Variants in NBPF11 observed in about 807,000 individuals in gnomAD.
The protein encoded by NBPF11 is NBPF family member NBPF11.
In NBPF11, 72 loss-of-function variants were observed where a neutral mutation model predicts 93.9. That is an observed-to-expected ratio of 0.77 (90% CI 0.63 to 0.93). The LOEUF (loss-of-function observed/expected upper bound fraction) is 0.93. Among genes scored for constraint, NBPF11 ranks in the 40% least tolerant of loss-of-function variants. NBPF11 has a pLI of 0.00. For missense variants in NBPF11, 705 were observed against 802.2 expected (o/e 0.88, Z 1.46); for synonymous variants, 224 against 304.9 (o/e 0.73, Z 2.76).
chr1:148,142,610 G>A lies in NBPF11; in HGVS notation c.-277+805C>T, dbSNP rs1181696434. 7.6e-4 allele frequency among the ~76,000 whole-genome samples: 116 copies of A among 152,208 alleles called. 2 individuals are homozygous for A. Among genetic ancestry groups the A allele is most frequent in the Non-Finnish European group, 1.8e-4 (12 of 68,040 alleles). ...CCCCCAGGACCTGGTGGGCAGCCAC[G>A]TGAGAAGGATACAAACAGGCCATGC... On this transcript the variant is annotated intron_variant, in intron 2 of 23. Transcript: ENST00000682118.
chr1:148,148,545 G>A (rs2149313748), intron 1 of NBPF11, among the ~76,000 whole-genome samples: 1 of 152,148 alleles, frequency 6.6e-6, no homozygotes, highest in Non-Finnish European at 1.5e-5. Context: ...CCCAAGGGAA[G>A]GTGCTGGTGG....
intron 2 of NBPF11, among the ~76,000 whole-genome samples, chr1:148,142,460 C>T (rs1221836575): frequency 6.6e-6 from 1 of 151,142 alleles, no homozygotes; most frequent in Non-Finnish European, 1.5e-5. Context: ...CAGGCCGCAA[C>T]CTTCCCTGCT....
Position 148,122,613 on chromosome 1 carries a change from T to G in NBPF11, c.566+116A>C. On this transcript the variant is annotated intron_variant, in intron 8 of 23. Coordinates refer to ENST00000682118, the MANE Select transcript of NBPF11 (RefSeq NM_001385469.3). ...TGTCTAAGCTGGGTTGAATTTCACATACTGTGGCCAAGGGAATGCGGGCTT... is the reference window on the plus strand; with the variant it reads ...TGTCTAAGCTGGGTTGAATTTCACAGACTGTGGCCAAGGGAATGCGGGCTT... 3.4e-6 allele frequency: 5 copies of G among 1,456,890 alleles called. No homozygotes were observed. The South Asian group carries it at 5.7e-5, about 17-fold the overall frequency. 90.2% of individuals were successfully genotyped at this position (1,456,890 alleles called of 1,614,324 possible).
chr1:148,122,667 G>A lies in NBPF11; in HGVS notation c.566+62C>T, dbSNP rs79237727. On this transcript the variant is annotated intron_variant, in intron 8 of 23. Coordinates refer to ENST00000682118, the MANE Select transcript of NBPF11 (RefSeq NM_001385469.3). ...GCCCATCATAGATGCCAGAGAGGGC[G>A]TGCCTCCTAGACATTTTCATATGTT... The A allele has an allele frequency of 1.1e-3, 1,754 of 1,596,146 alleles. 15 individuals carry two copies. The East Asian group carries it at 0.02, about 18-fold the overall frequency.
intron 20 of NBPF11, among the ~76,000 whole-genome samples, 182 bp downstream of exon 20, chr1:148,106,760 T>C (rs1462645725): frequency 1.3e-5 from 2 of 148,606 alleles, no homozygotes; most frequent in East Asian, 2.0e-4. Context: ...CCTTGCTCAC[T>C]GACCCATTTC....
At position 148,151,367 on chromosome 1, in the gene NBPF11, G is replaced by A. The variant is rs1473459037; in HGVS notation, c.-549+383C>T. Among the ~76,000 whole-genome samples the A allele has an allele frequency of 3.3e-5, 5 of 152,108 alleles. 1 individual carries two copies. The highest frequency in any genetic ancestry group is 3.9e-4 in the East Asian group (2 of 5,176). On this transcript the variant is annotated intron_variant, in intron 1 of 23. Transcript: ENST00000682118. Reference sequence around the variant, plus strand: ...AAGACCCCAACTTTGCAAGTCAGGGGCGCGAGCGCTCTTGCCCCTCAAGTT... The same window carrying A: ...AAGACCCCAACTTTGCAAGTCAGGGACGCGAGCGCTCTTGCCCCTCAAGTT...
At position 148,112,137 on chromosome 1, in the gene NBPF11, A is replaced by AT. The variant is rs1301699090; in HGVS notation, c.1638-1597dup. On this transcript the variant is annotated intron_variant, in intron 15 of 23. Transcript: ENST00000682118. The stretch of plus-strand genomic sequence containing the variant: ...TCCATATGTATAGTTTTCCTTTATT[A>AT]TTTTTTGTGTGTATGTATATATATA... Among the ~76,000 whole-genome samples, 4 of 130,958 alleles carry AT rather than the reference A, an allele frequency of 3.1e-5. 1 individual carries two copies. The East Asian group carries it at 9.8e-4, about 32-fold the overall frequency. The allele number at this position is 130,958 out of a possible 152,430, so 85.9% of individuals were successfully genotyped here.
intron 4 of NBPF11, among the ~76,000 whole-genome samples, chr1:148,129,289 T>C (rs1382131224): frequency 6.8e-6 from 1 of 147,640 alleles, no homozygotes; most frequent in Non-Finnish European, 1.5e-5. Context: ...ATATACAATA[T>C]ATATAACACG....
chr1:148,120,449 G>C (rs1213840594), intron 10 of NBPF11, 52 bp downstream of exon 10: 2 of 838,452 alleles, frequency 2.4e-6, no homozygotes, highest in South Asian at 2.6e-5. Context: ...TTCTCAGAGA[G>C]AAGACAGGAC....
At chr1:148,129,228 TATATACGTGTATATAC>T (rs1247243290) in intron 4 of NBPF11, among the ~76,000 whole-genome samples, 4 of 127,638 alleles carry the variant, frequency 3.1e-5, no homozygotes, top group African/African-American at 1.1e-4. Flanking sequence ...ATATATATTA[TATATACGTGTATATAC>T]ATACGTGTAT....
At chr1:148,137,299 A>G in intron 3 of NBPF11, among the ~76,000 whole-genome samples, 1 of 151,504 alleles carries the variant, frequency 6.6e-6, no homozygotes, top group Non-Finnish European at 1.5e-5. Flanking sequence ...CAGACAGGTA[A>G]GGAGGAAAGC....
intron 2 of NBPF11, among the ~76,000 whole-genome samples, chr1:148,141,944 A>G (rs1672233047): frequency 6.9e-6 from 1 of 145,312 alleles, no homozygotes; most frequent in Non-Finnish European, 1.5e-5. Flanking sequence ...AAAGAAAAAG[A>G]GAGAGCATGA....
intron 4 of NBPF11, among the ~76,000 whole-genome samples, chr1:148,133,783 G>C (rs1279112742): frequency 1.5e-4 from 23 of 151,334 alleles, no homozygotes; most frequent in African/African-American, 5.6e-4. Flanking sequence ...CAGTCAAGAA[G>C]CTCCAGGTAT....
At chr1:148,104,100 GAC>G in intron 23 of NBPF11, among the ~76,000 whole-genome samples, 188 bp from the exon 24 acceptor site, 1 of 142,902 alleles carries the variant, frequency 7.0e-6, no homozygotes, top group East Asian at 2.2e-4. Flanking sequence ...GAAAGAGAAA[GAC>G]AGAGAGAGAG....
At chr1:148,125,558 C>A (rs1223945011) in intron 5 of NBPF11, among the ~76,000 whole-genome samples, 1 of 151,746 alleles carries the variant, frequency 6.6e-6, no homozygotes, top group Non-Finnish European at 1.5e-5. Flanking sequence ...GAAAATATGC[C>A]CAAATACTTT....
intron 1 of NBPF11, among the ~76,000 whole-genome samples, 155 bp from the exon 2 acceptor site, chr1:148,143,841 T>C (rs1335815594): frequency 6.6e-6 from 1 of 150,840 alleles, no homozygotes; most frequent in East Asian, 2.0e-4. Context: ...TTCTGTCATA[T>C]GTAATCAACA....
chr1:148,116,392 G>C, intron 13 of NBPF11, 71 bp downstream of exon 13: 5 of 659,512 alleles, frequency 7.6e-6, no homozygotes, highest in East Asian at 5.4e-5. Context: ...ATACATGCCA[G>C]AGAGGGTGTG....
chr1:148,142,535 C>T (rs1428128355), intron 2 of NBPF11, among the ~76,000 whole-genome samples: 4 of 151,904 alleles, frequency 2.6e-5, no homozygotes, highest in South Asian at 2.1e-4. Flanking sequence ...GGTCTGACAT[C>T]GTCCATTTGT....
intron 1 of NBPF11, among the ~76,000 whole-genome samples, chr1:148,149,907 C>A (rs1647856875): frequency 1.3e-5 from 2 of 151,764 alleles, no homozygotes; most frequent in South Asian, 4.2e-4. Context: ...TATATTACTG[C>A]ACCTCTACGA....
Sources: gnomAD v4.1 joint callset for allele counts (sites outside exome capture counted in the v4.1 genomes callset) on GRCh38, gnomAD v4.1.1 for gene constraint, MANE v1.5 for transcripts, NCBI Gene and HGNC (gene_info 2026-07-23, HGNC 2026-07-21) for gene names.